Variants in PPP1R16B observed in about 807,000 individuals in gnomAD.
PPP1R16B encodes protein phosphatase 1 regulatory subunit 16B, also known as protein phosphatase 1 regulatory inhibitor subunit 16B.
Under a neutral mutation model 61.7 loss-of-function variants are expected in PPP1R16B, and 14 were observed. The ratio of observed to expected loss-of-function variants is 0.23; its 90% CI spans 0.15 to 0.35. The LOEUF (loss-of-function observed/expected upper bound fraction) is 0.35. Ranked by LOEUF, PPP1R16B falls within the 10% of genes least tolerant of loss-of-function variation. The pLI, the probability that PPP1R16B is intolerant of heterozygous loss-of-function variation, is 1.00. For missense variants in PPP1R16B, 547 were observed against 752.5 expected, an observed-to-expected ratio of 0.73 and a Z score of 3.19; for synonymous variants, 266 against 305.3, an observed-to-expected ratio of 0.87 and a Z score of 1.34.
intron 1 of PPP1R16B, among the ~76,000 whole-genome samples, chr20:38,826,554 A>G (rs940303194): frequency 6.6e-6 from 1 of 152,168 alleles, no homozygotes; most frequent in African/African-American, 2.4e-5. Flanking sequence ...CCTCCTTTGA[A>G]GTTTTCTTGG....
At chr20:38,845,770 A>T (rs1455387342) in intron 2 of PPP1R16B, among the ~76,000 whole-genome samples, 1 of 152,194 alleles carries the variant, frequency 6.6e-6, no homozygotes, top group Non-Finnish European at 1.5e-5. Context: ...TTTCGATGAA[A>T]AGCCACTGGT....
At chr20:38,911,448 G>C (rs1416044881) in intron 10 of PPP1R16B, among the ~76,000 whole-genome samples, 1 of 151,842 alleles carries the variant, frequency 6.6e-6, no homozygotes, top group Admixed American at 6.6e-5. Context: ...TTACAGGCGT[G>C]AGCCACCACG....
At chr20:38,895,985 T>C (rs548090387) in intron 4 of PPP1R16B, among the ~76,000 whole-genome samples, 11 of 121,462 alleles carry the variant, frequency 9.1e-5, no homozygotes, top group African/African-American at 3.0e-4. Context: ...CCTCCCTCCT[T>C]CCTTCTTTCT....
At chr20:38,860,508 G>A (rs374576746) in intron 2 of PPP1R16B, among the ~76,000 whole-genome samples, 2 of 152,334 alleles carry the variant, frequency 1.3e-5, no homozygotes, top group African/African-American at 4.8e-5. Context: ...CACATGGGGC[G>A]GTATAGCCCT....
intron 6 of PPP1R16B, among the ~76,000 whole-genome samples, chr20:38,904,069 C>G (rs1374488448): frequency 1.3e-5 from 2 of 151,742 alleles, no homozygotes; most frequent in East Asian, 3.9e-4. Context: ...GTGGGCTTCT[C>G]CCACCTGCTT....
intron 1 of PPP1R16B, among the ~76,000 whole-genome samples, chr20:38,827,165 G>A (rs2084810073): frequency 6.6e-6 from 1 of 152,136 alleles, no homozygotes; most frequent in Non-Finnish European, 1.5e-5. Flanking sequence ...TGCCCAGGCT[G>A]TGGATCCCAC....
chr20:38,905,640 G>A (rs1366946018), intron 6 of PPP1R16B, among the ~76,000 whole-genome samples: 1 of 152,150 alleles, frequency 6.6e-6, no homozygotes, highest in Non-Finnish European at 1.5e-5. Context: ...CAAAGAATTT[G>A]TAGACATATT....
chr20:38,916,731 A>G (rs1355596298), intron 10 of PPP1R16B, among the ~76,000 whole-genome samples: 1 of 152,172 alleles, frequency 6.6e-6, no homozygotes, highest in East Asian at 1.9e-4. Context: ...ATTTCAGTGA[A>G]GGATGATGCA....
intron 2 of PPP1R16B, among the ~76,000 whole-genome samples, chr20:38,856,369 T>C (rs2085008997): frequency 6.6e-6 from 1 of 152,134 alleles, no homozygotes; most frequent in Non-Finnish European, 1.5e-5. Context: ...CTTCCTTAGG[T>C]CTTGCTGCTG....
chr20:38,900,479 G>C, intron 4 of PPP1R16B, 102 bp from the exon 5 acceptor site: 1 of 842,576 alleles, frequency 1.2e-6, no homozygotes, highest in Non-Finnish European at 1.9e-6. Flanking sequence ...TTTGAGTGCC[G>C]GGTTGTACAG....
At chr20:38,903,067 G>T (rs985344220) in intron 6 of PPP1R16B, among the ~76,000 whole-genome samples, 5 of 152,186 alleles carry the variant, frequency 3.3e-5, no homozygotes, top group African/African-American at 1.2e-4. Context: ...TTGAGCCTGG[G>T]AGTTTGAGTT....
At chr20:38,862,302 C>G (rs965469429) in intron 2 of PPP1R16B, among the ~76,000 whole-genome samples, 1 of 152,050 alleles carries the variant, frequency 6.6e-6, no homozygotes, top group Admixed American at 6.6e-5. Flanking sequence ...GGCTGGGTGC[C>G]GTGAAAATGA....
chr20:38,831,923 G>T (rs932482823), intron 1 of PPP1R16B, among the ~76,000 whole-genome samples: 2 of 152,158 alleles, frequency 1.3e-5, no homozygotes, highest in Admixed American at 1.3e-4. Context: ...GGGCAGCCAC[G>T]TCCTCTTCGG....
chr20:38,879,178 A>G (rs1341650808), intron 2 of PPP1R16B, among the ~76,000 whole-genome samples: 4 of 152,154 alleles, frequency 2.6e-5, no homozygotes, highest in Non-Finnish European at 4.4e-5. Context: ...TAGAATGAGG[A>G]AGTTCCAAGT....
rs756865595 is a variant in PPP1R16B, at chr20:38,907,788, A to G, written c.899-18A>G. Reference sequence around the variant, plus strand: ...GTCCTGGCCCCGTCCCCCACAACAGACTCCTCTGCCCCTTCAGACCTGTGC... The same window carrying G: ...GTCCTGGCCCCGTCCCCCACAACAGGCTCCTCTGCCCCTTCAGACCTGTGC... On this transcript the variant is annotated intron_variant, in intron 8 of 10. Coordinates refer to ENST00000299824, the MANE Select transcript of PPP1R16B (RefSeq NM_015568.4). The surrounding 1 kb of genome is among the most constrained non-coding windows in gnomAD (Gnocchi z 4.5). The G allele has an allele frequency of 6.2e-7, 1 of 1,613,446 alleles. No individual in the cohort carries two copies. The highest frequency in any genetic ancestry group is 1.3e-5 in the African/African-American group (1 of 74,946).
chr20:38,817,326 G>A (rs2084741798), intron 1 of PPP1R16B, among the ~76,000 whole-genome samples: 1 of 152,158 alleles, frequency 6.6e-6, no homozygotes, highest in Non-Finnish European at 1.5e-5. Flanking sequence ...ACTTTGGGAG[G>A]CCAAGCTGGG....
chr20:38,813,922 G>A (rs2084718616), intron 1 of PPP1R16B, among the ~76,000 whole-genome samples: 2 of 151,844 alleles, frequency 1.3e-5, no homozygotes, highest in African/African-American at 4.8e-5. Context: ...TCAGCCTCCT[G>A]AGTAGCTGAG....
intron 1 of PPP1R16B, among the ~76,000 whole-genome samples, chr20:38,810,174 C>T (rs901138681): frequency 6.6e-6 from 1 of 152,126 alleles, no homozygotes; most frequent in Non-Finnish European, 1.5e-5. Context: ...GTAGGGCAGC[C>T]CTAGCCGGGA....
At chr20:38,894,308 G>C (rs1035999784) in intron 3 of PPP1R16B, among the ~76,000 whole-genome samples, 16 of 152,090 alleles carry the variant, frequency 1.1e-4, no homozygotes, top group African/African-American at 2.4e-5. Flanking sequence ...CTGGGGCCGT[G>C]GGCTTCCACG....
Sources: allele counts gnomAD v4.1 joint callset (sites outside exome capture counted in the v4.1 genomes callset), GRCh38; gene constraint gnomAD v4.1.1; non-coding constraint Gnocchi (gnomAD v3.1); transcripts MANE v1.5; gene names NCBI Gene and HGNC (gene_info 2026-07-23, HGNC 2026-07-21).